PRR16: variants seen among roughly 807,000 people sequenced by gnomAD.
The protein encoded by PRR16 is protein Largen.
In PRR16, 6 loss-of-function variants were observed where a neutral mutation model predicts 18.2. The observed-to-expected ratio is 0.33, with a 90% confidence interval of 0.18 to 0.65. The LOEUF (loss-of-function observed/expected upper bound fraction) is 0.65. Among genes scored for constraint, PRR16 ranks in the 30% least tolerant of loss-of-function variants. The pLI is 0.74. For missense variants in PRR16, 412 were observed against 376.6 expected (o/e 1.09, Z -0.78); for synonymous variants, 151 against 147.8 (o/e 1.02, Z -0.16).
the PRR16 span, among the ~76,000 whole-genome samples, chr5:120,694,877 G>T: frequency 6.6e-6 from 1 of 152,018 alleles, no homozygotes; most frequent in Non-Finnish European, 1.5e-5. Flanking sequence ...ATTCATACAA[G>T]AATAAACCAT....
the PRR16 span, among the ~76,000 whole-genome samples, chr5:120,750,439 A>C: frequency 6.6e-6 from 1 of 152,116 alleles, no homozygotes; most frequent in South Asian, 2.1e-4. Flanking sequence ...CAGGTGGATC[A>C]CCTGAGGTCA....
the PRR16 span, among the ~76,000 whole-genome samples, chr5:120,789,256 AAATAG>A: frequency 5.3e-5 from 8 of 152,084 alleles, no homozygotes; most frequent in Non-Finnish European, 1.0e-4. Context: ...ATCTTAACTT[AAATAG>A]AAGACCACAG....
intron 1 of PRR16, chr5:120,531,343 G>A (rs1751544597): frequency 6.6e-6 from 1 of 152,086 alleles, no homozygotes; most frequent in African/African-American, 2.4e-5. Context: ...TTTAGGGGGA[G>A]TAGCTCAGAT....
At chr5:120,499,329 A>G (rs1750370364) in intron 1 of PRR16, among the ~76,000 whole-genome samples, 1 of 151,572 alleles carries the variant, frequency 6.6e-6, no homozygotes, top group Non-Finnish European at 1.5e-5. Context: ...CAGGCTGGTA[A>G]TCACTTTTTA....
chr5:120,735,501 T>C, the PRR16 span, among the ~76,000 whole-genome samples: 10 of 152,180 alleles, frequency 6.6e-5, no homozygotes, highest in Non-Finnish European at 1.3e-4. Context: ...ATTTTTTAAA[T>C]AGTGGACATC....
chr5:120,543,036 T>C (rs1415768548), intron 1 of PRR16, among the ~76,000 whole-genome samples: 1 of 152,192 alleles, frequency 6.6e-6, no homozygotes, highest in Non-Finnish European at 1.5e-5. Flanking sequence ...TTATTACATT[T>C]CTGTCCTTTT....
chr5:120,724,543 G>A, the PRR16 span, among the ~76,000 whole-genome samples: 2 of 152,004 alleles, frequency 1.3e-5, no homozygotes, highest in African/African-American at 2.4e-5. Context: ...TTTATATTAC[G>A]ATTTTCAGAG....
At chr5:120,774,010 TAA>T in the PRR16 span, among the ~76,000 whole-genome samples, 2 of 152,188 alleles carry the variant, frequency 1.3e-5, no homozygotes, top group African/African-American at 4.8e-5. Context: ...AATGTGTTTA[TAA>T]AGTCACACTG....
chr5:120,754,916 A>G, the PRR16 span, among the ~76,000 whole-genome samples: 9 of 151,556 alleles, frequency 5.9e-5, no homozygotes, highest in Non-Finnish European at 1.0e-4. Flanking sequence ...ATAATGCTAT[A>G]GAAAATTGGG....
intron 1 of PRR16, among the ~76,000 whole-genome samples, chr5:120,646,032 A>C (rs183663938): frequency 0.013 from 1,477 of 110,002 alleles, 29 homozygotes; most frequent in African/African-American, 0.045. Flanking sequence ...TCAAATTACA[A>C]AAAAAAATAC....
At chr5:120,597,881 T>A (rs74517040) in intron 1 of PRR16, among the ~76,000 whole-genome samples, 22 of 151,964 alleles carry the variant, frequency 1.4e-4, no homozygotes, top group Middle Eastern at 3.4e-3. Flanking sequence ...TGTAAAATAT[T>A]CCTTTAGAAT....
intron 1 of PRR16, among the ~76,000 whole-genome samples, chr5:120,535,433 A>G (rs1438642154): frequency 6.6e-6 from 1 of 152,178 alleles, no homozygotes; most frequent in Non-Finnish European, 1.5e-5. Context: ...ACTCTTAACT[A>G]TGTTTGTGTA....
At chr5:120,690,249 A>G (rs1353761552), downstream of PRR16, among the ~76,000 whole-genome samples, 1 of 152,168 alleles carries the variant, frequency 6.6e-6, no homozygotes, top group East Asian at 1.9e-4. Context: ...GTCTAACTAT[A>G]GCTCTTTTTG....
intron 1 of PRR16, among the ~76,000 whole-genome samples, chr5:120,652,706 G>A (rs1328859635): frequency 1.3e-5 from 2 of 151,944 alleles, no homozygotes; most frequent in Non-Finnish European, 2.9e-5. Flanking sequence ...GAGAGCCTAA[G>A]GAGACATGAT....
the PRR16 span, among the ~76,000 whole-genome samples, chr5:120,725,642 A>G: frequency 3.9e-5 from 6 of 152,040 alleles, no homozygotes; most frequent in Admixed American, 3.9e-4. Flanking sequence ...ATACTATTGC[A>G]TTCCAGCCTG....
At chr5:120,759,739 T>G in the PRR16 span, among the ~76,000 whole-genome samples, 1 of 152,128 alleles carries the variant, frequency 6.6e-6, no homozygotes, top group South Asian at 2.1e-4. Context: ...GAATCTAAAT[T>G]AAATATGAAA....
intron 1 of PRR16, among the ~76,000 whole-genome samples, chr5:120,606,652 C>T (rs1213505076): frequency 6.6e-6 from 1 of 152,002 alleles, no homozygotes; most frequent in Non-Finnish European, 1.5e-5. Flanking sequence ...CCTATAATCC[C>T]AGCATGTTGA....
At chr5:120,508,075 G>A (rs1750703235) in intron 1 of PRR16, among the ~76,000 whole-genome samples, 1 of 152,080 alleles carries the variant, frequency 6.6e-6, no homozygotes, top group African/African-American at 2.4e-5. Flanking sequence ...TGGTGCCTAA[G>A]TATGTCATTG....
intron 1 of PRR16, among the ~76,000 whole-genome samples, chr5:120,553,316 T>G (rs1200480798): frequency 6.6e-6 from 1 of 151,898 alleles, no homozygotes; most frequent in Non-Finnish European, 1.5e-5. Context: ...TAGGAAGGAC[T>G]GTTCTCAAAC....
Sources: gnomAD v4.1 joint callset for allele counts (sites outside exome capture counted in the v4.1 genomes callset) on GRCh38, gnomAD v4.1.1 for gene constraint, MANE v1.5 for transcripts, NCBI Gene and HGNC (gene_info 2026-07-23, HGNC 2026-07-21) for gene names.